Variants in CEP72 observed in about 807,000 individuals in gnomAD.
The protein encoded by CEP72 is centrosomal protein 72.
CEP72 carries 78 observed loss-of-function variants against 65.7 expected under a neutral mutation model. The ratio of observed to expected loss-of-function variants is 1.19; its 90% CI spans 0.99 to 1.43. The LOEUF is 1.43. Among genes scored for constraint, CEP72 ranks in the 40% most tolerant of loss-of-function variants. The pLI is 0.00. For missense variants in CEP72, 914 were observed against 832.9 expected, an observed-to-expected ratio of 1.10 and a Z score of -1.20; for synonymous variants, 358 against 351.7, an observed-to-expected ratio of 1.02 and a Z score of -0.20.
Position 624,744 on chromosome 5 carries a change from G to A in CEP72, c.512+165G>A, listed in dbSNP as rs1307174183. Among the ~76,000 whole-genome samples the A allele has an allele frequency of 1.3e-5, 2 of 152,188 alleles. No individual in the cohort carries two copies. Among genetic ancestry groups the A allele is most frequent in the Admixed American group, 6.5e-5 (1 of 15,286 alleles). On this transcript the variant is annotated intron_variant, in intron 4 of 11. Transcript: ENST00000264935. The surrounding 1 kb of genome is among the most constrained non-coding windows in gnomAD (Gnocchi z 4.7). Reference sequence around the variant, plus strand: ...GCGGGGACTCCGTGGACAGTGGGACGGGGCCTCTCTCCTGTTCTCCACATT... The same window carrying A: ...GCGGGGACTCCGTGGACAGTGGGACAGGGCCTCTCTCCTGTTCTCCACATT...
chr5:626,340 G>C (rs1316342806), intron 4 of CEP72, among the ~76,000 whole-genome samples: 2 of 152,218 alleles, frequency 1.3e-5, no homozygotes, highest in African/African-American at 4.8e-5. Flanking sequence ...GGTTTCCAGC[G>C]CAGCCTTGCG....
intron 4 of CEP72, among the ~76,000 whole-genome samples, chr5:629,405 T>C (rs931908674): frequency 2.6e-5 from 4 of 151,866 alleles, no homozygotes; most frequent in African/African-American, 9.7e-5. Flanking sequence ...TGGGGTTCTG[T>C]CCAGTGCCGG....
At chr5:642,261 C>T (rs1469399757) in intron 9 of CEP72, 3 of 983,578 alleles carry the variant, frequency 3.1e-6, no homozygotes, top group Non-Finnish European at 3.6e-6. Context: ...TGCTTTTAAA[C>T]CAACGTGGCC....
At chr5:663,360 C>T (rs1739761036) in intron 1 of CEP72, 2 of 152,484 alleles carry the variant, frequency 1.3e-5, no homozygotes. Flanking sequence ...GGTGAGGTGA[C>T]ATCCTAAAGG....
intron 4 of CEP72, among the ~76,000 whole-genome samples, chr5:629,448 G>C (rs1424844276): frequency 1.4e-5 from 2 of 148,026 alleles, no homozygotes; most frequent in Non-Finnish European, 3.0e-5. Context: ...ATTCTGTCCA[G>C]TGCCGGGATT....
At position 666,046 on chromosome 5, in the gene CEP72, T is replaced by C. The variant is rs139049812; in HGVS notation, n.539T>C. On this transcript the variant is annotated non_coding_transcript_exon_variant, in exon 4 of 5. Coordinates refer to the CEP72 transcript ENST00000514507. ...GCGAACGGCCTCCTCGCTGCTCTTG[T>C]CTTTGAATCGCTTCTTGGCGAGCTC... The C allele has an allele frequency of 3.7e-6, 6 of 1,611,972 alleles. No individual in the cohort carries two copies. The African/African-American group carries it at 8.0e-5, about 22-fold the overall frequency.
intron 1 of CEP72, 45 bp downstream of exon 1, chr5:612,488 G>A: frequency 7.3e-7 from 1 of 1,379,000 alleles, no homozygotes; most frequent in Admixed American, 3.1e-5. Context: ...GGTGGCGGGG[G>A]GGTGGGTGCC....
In CEP72 at chr5:647,862, TG is replaced by T; in HGVS notation, c.1726del (p.Glu576SerfsTer31). ...GAGATTGTGGAACTGAAGCAGCACC[TG>T]GAGCACTACGACAAGATCCAGGAGC... The part of the protein sequence containing the change: ...CGEIVELKQH[L>X]EHYDKIQELT... On this transcript the variant is annotated frameshift_variant, in exon 11 of 12. Transcript: ENST00000264935. LOFTEE classifies it high-confidence loss of function. 3 of 1,612,758 alleles carry T rather than the reference TG, an allele frequency of 1.9e-6. No individual in the cohort carries two copies. The South Asian group carries it at 3.3e-5, about 18-fold the overall frequency.
intron 1 of CEP72, among the ~76,000 whole-genome samples, chr5:616,243 A>G (rs1191005219): frequency 6.6e-6 from 1 of 151,960 alleles, no homozygotes; most frequent in Non-Finnish European, 1.5e-5. Flanking sequence ...TACAGTTTTC[A>G]TCTGTCATCT....
intron 4 of CEP72, among the ~76,000 whole-genome samples, chr5:632,541 C>A (rs1445972024): frequency 5.9e-4 from 2 of 3,384 alleles, no homozygotes; most frequent in African/African-American, 1.6e-3. Flanking sequence ...CGGGATTTGG[C>A]CCAGTCCTGG....
At chr5:627,651 A>G (rs79380311) in intron 4 of CEP72, among the ~76,000 whole-genome samples, 2 of 152,036 alleles carry the variant, frequency 1.3e-5, no homozygotes, top group African/African-American at 4.8e-5. Context: ...TTTGTCTGCC[A>G]TTTTTTGCTG....
At chr5:655,761 A>G (rs544655028), downstream of CEP72, among the ~76,000 whole-genome samples, 5 of 152,290 alleles carry the variant, frequency 3.3e-5, no homozygotes, top group East Asian at 9.6e-4. This position sits in a 1 kb window ranked among gnomAD's most constrained non-coding sequence, Gnocchi z 5.0. Context: ...TACCTATTCA[A>G]GTATTTTCCC....
chr5:653,072 C>G lies in CEP72; in HGVS notation c.1863C>G (p.His621Gln), dbSNP rs142143724. Residue 621 changes from histidine (H) to glutamine (Q), a missense_variant, in exon 12 of 12, where the codon CAC becomes CAG. His to Gln is a conservative substitution (Grantham distance 24). Transcript: ENST00000264935. ...AQHRAEVEQMHWSYQELKKTM... is the reference protein window; with the variant it reads ...AQHRAEVEQMQWSYQELKKTM... ...ACAGAGCCGAGGTGGAGCAGATGCA[C>G]TGGAGCTACCAGGAGCTCAAGAAGA... The G allele has an allele frequency of 2.9e-5, 47 of 1,613,784 alleles. No homozygotes were observed. Among genetic ancestry groups the G allele is most frequent in the Middle Eastern group, 3.3e-4 (2 of 6,084 alleles).
intron 4 of CEP72, among the ~76,000 whole-genome samples, chr5:631,926 G>A (rs1310442711): frequency 4.5e-5 from 2 of 44,742 alleles, no homozygotes; most frequent in Non-Finnish European, 8.8e-5. Flanking sequence ...GCCCAGTCCT[G>A]GTGGGGTTCT....
rs80299745 is a variant in CEP72 at position 624,208 on chromosome 5, G to A, written c.404-263G>A. Among the ~76,000 whole-genome samples the A allele has an allele frequency of 0.016, 2,410 of 152,360 alleles. 27 individuals are homozygous for A. Among genetic ancestry groups the A allele is most frequent in the Non-Finnish European group, 0.026 (1,765 of 68,032 alleles). On this transcript the variant is annotated intron_variant, in intron 3 of 11. Transcript: ENST00000264935. The surrounding 1 kb of genome is among the most constrained non-coding windows in gnomAD (Gnocchi z 4.7). ...CCGGTGTGCACTTTAGAGAAAGGGT[G>A]TGCGTGTGTGTGTGTGAGCCTCATC...
At position 612,802 on chromosome 5, in the gene CEP72, C is replaced by T. The variant is rs566491427; in HGVS notation, c.82+359C>T. Among the ~76,000 whole-genome samples the T allele has an allele frequency of 2.1e-4, 32 of 152,374 alleles. 1 individual carries two copies. In the South Asian group the frequency reaches 6.6e-3, roughly 32 times the overall value. On this transcript the variant is annotated intron_variant, in intron 1 of 11. Coordinates refer to ENST00000264935, the MANE Select transcript of CEP72 (RefSeq NM_018140.4). Reference sequence around the variant, plus strand: ...CCTCCCTGGTTCTCCTGGGCCCACTCTGTGGTGATTGTTGCGCTCGGCCTT... The same window carrying T: ...CCTCCCTGGTTCTCCTGGGCCCACTTTGTGGTGATTGTTGCGCTCGGCCTT...
At chr5:671,105 G>A (rs1740205979), downstream of CEP72, among the ~76,000 whole-genome samples, 1 of 152,224 alleles carries the variant, frequency 6.6e-6, no homozygotes, top group South Asian at 2.1e-4. Flanking sequence ...GGGGCTGCCT[G>A]AGCTCCGGAG....
intron 9 of CEP72, chr5:642,240 C>G: frequency 1.3e-6 from 1 of 773,156 alleles, no homozygotes. Flanking sequence ...GGTCCCCCGT[C>G]CAGAAGCCTC....
rs1008718541 is a variant in CEP72 at position 623,542 on chromosome 5, GA to G, written c.404-926del. On this transcript the variant is annotated intron_variant, in intron 3 of 11. Coordinates refer to ENST00000264935, the MANE Select transcript of CEP72 (RefSeq NM_018140.4). This position sits in a 1 kb window ranked among gnomAD's most constrained non-coding sequence, Gnocchi z 5.3. ...ATTAGAATTTACACAACAGTCCAGA[GA>G]AATGTTCTTGGAGTACGGGATTTGG... is the stretch of plus-strand genomic sequence containing the variant. 3.3e-5 allele frequency among the ~76,000 whole-genome samples: 5 copies of G among 152,198 alleles called. No individual in the cohort carries two copies. The highest frequency in any genetic ancestry group is 7.3e-5 in the Non-Finnish European group (5 of 68,034).
Sources: gnomAD v4.1 joint callset for allele counts (sites outside exome capture counted in the v4.1 genomes callset) on GRCh38, gnomAD v4.1.1 for gene constraint, Gnocchi (gnomAD v3.1) non-coding constraint, MANE v1.5 for transcripts, NCBI Gene and HGNC (gene_info 2026-07-23, HGNC 2026-07-21) for gene names.